TMEM260: variants seen among roughly 807,000 people sequenced by gnomAD.
The protein encoded by TMEM260 is transmembrane protein 260, also known as protein O-mannosyl-transferase TMEM260.
A neutral mutation model predicts 88.9 loss-of-function variants in TMEM260; 82 were observed. The ratio of observed to expected loss-of-function variants is 0.92; its 90% CI spans 0.77 to 1.11. The LOEUF (loss-of-function observed/expected upper bound fraction) is 1.11, where lower values mean the gene tolerates loss of function less well. Among genes scored for constraint, TMEM260 ranks in the 50% least tolerant of loss-of-function variants. The pLI is 0.00. For synonymous variants in TMEM260, 314 were observed against 309.3 expected (o/e 1.02, Z -0.16); for missense variants, 902 against 853.4 (o/e 1.06, Z -0.71).
chr14:56,619,088 G>T (rs2139592925), intron 10 of TMEM260, among the ~76,000 whole-genome samples: 2 of 152,234 alleles, frequency 1.3e-5, no homozygotes, highest in South Asian at 4.1e-4. Flanking sequence ...CACTTAGATG[G>T]AGAGTAAAAT....
chr14:56,648,579 A>T lies in TMEM260; in HGVS notation c.*1082A>T, dbSNP rs1198720946. On this transcript the variant is annotated 3_prime_UTR_variant, in exon 16 of 16. Coordinates refer to ENST00000261556, the MANE Select transcript of TMEM260 (RefSeq NM_017799.4). ...GGGCTAGAAGCTTGTCTGCATTCAAAGATCACTGGTGAGTCATTCAGCAAG... is the reference window on the plus strand; with the variant it reads ...GGGCTAGAAGCTTGTCTGCATTCAATGATCACTGGTGAGTCATTCAGCAAG... 1.3e-5 allele frequency: 2 copies of T among 152,654 alleles called. No individual in the cohort carries two copies. The highest frequency in any genetic ancestry group is 4.8e-5 in the African/African-American group (2 of 41,432). 9.5% of individuals were successfully genotyped at this position (152,654 alleles called of 1,614,324 possible).
intron 1 of TMEM260, among the ~76,000 whole-genome samples, chr14:56,581,442 A>G (rs1416018232): frequency 6.6e-6 from 1 of 152,198 alleles, no homozygotes; most frequent in East Asian, 1.9e-4. Context: ...CAGTGTTACC[A>G]AGATTGGTAT....
intron 12 of TMEM260, among the ~76,000 whole-genome samples, chr14:56,632,751 A>C (rs1012987601): frequency 1.3e-5 from 2 of 152,106 alleles, no homozygotes; most frequent in African/African-American, 4.8e-5. Flanking sequence ...TCCAGCCTCT[A>C]TTATGCTTTG....
chr14:56,653,386 T>C (rs985937818), downstream of TMEM260, among the ~76,000 whole-genome samples: 2 of 151,998 alleles, frequency 1.3e-5, no homozygotes, highest in African/African-American at 4.8e-5. Context: ...ATATAAAATA[T>C]ACTTATTGTA....
intron 3 of TMEM260, among the ~76,000 whole-genome samples, chr14:56,603,570 A>G (rs1886706515): frequency 6.6e-6 from 1 of 152,204 alleles, no homozygotes; most frequent in African/African-American, 2.4e-5. Flanking sequence ...AGCAGTTAAC[A>G]TCTGAGGACT....
chr14:56,585,033 G>A lies in TMEM260; in HGVS notation c.192+1G>A. On this transcript the variant is annotated splice_donor_variant, in intron 2 of 15. Coordinates refer to ENST00000261556, the MANE Select transcript of TMEM260 (RefSeq NM_017799.4). LOFTEE classifies it high-confidence loss of function. ...GATCACAGCCGCACATGAGCTTGGA[G>A]TAAGTATTAGTTTTATTGTTTAATC... is the stretch of plus-strand genomic sequence containing the variant. The A allele has an allele frequency of 6.2e-7, 1 of 1,611,280 alleles. No individual in the cohort carries two copies. Among genetic ancestry groups the A allele is most frequent in the Non-Finnish European group, 8.5e-7 (1 of 1,178,534 alleles).
At chr14:56,625,283 G>GGTGCAAAAGTA in intron 11 of TMEM260, 99 bp from the exon 12 acceptor site, 1 of 1,130,248 alleles carries the variant, frequency 8.8e-7, no homozygotes, top group South Asian at 1.4e-5. Context: ...ATATTAGGTT[G>GGTGCAAAAGTA]GTGCAAAAGT....
At chr14:56,630,152 GT>G (rs1781460968) in intron 12 of TMEM260, among the ~76,000 whole-genome samples, 1 of 151,712 alleles carries the variant, frequency 6.6e-6, no homozygotes, top group Non-Finnish European at 1.5e-5. Flanking sequence ...GAAATCTATT[GT>G]TTTTCTCTGG....
intron 11 of TMEM260, among the ~76,000 whole-genome samples, chr14:56,622,130 T>G (rs1233529145): frequency 1.3e-5 from 2 of 151,668 alleles, no homozygotes; most frequent in Non-Finnish European, 2.9e-5. Context: ...GATCACGAGG[T>G]CAGGAGATCG....
At chr14:56,615,014 T>G (rs1887514985) in intron 7 of TMEM260, among the ~76,000 whole-genome samples, 1 of 152,204 alleles carries the variant, frequency 6.6e-6, no homozygotes, top group Non-Finnish European at 1.5e-5. Context: ...GCGCTTACAC[T>G]TAAGCAATAG....
chr14:56,584,851 G>A, intron 1 of TMEM260, 150 bp from the exon 2 acceptor site: 1 of 608,258 alleles, frequency 1.6e-6, no homozygotes, highest in Non-Finnish European at 2.9e-6. Context: ...AATATTCTTA[G>A]ACTATTTCAT....
chr14:56,656,096 C>T, the TMEM260 span, among the ~76,000 whole-genome samples: 2 of 152,158 alleles, frequency 1.3e-5, no homozygotes, highest in African/African-American at 4.8e-5. Flanking sequence ...GCCACTTCCT[C>T]ACTGTGTGAC....
At chr14:56,645,652 A>T (rs1005592348) in intron 15 of TMEM260, among the ~76,000 whole-genome samples, 11 of 152,196 alleles carry the variant, frequency 7.2e-5, no homozygotes, top group African/African-American at 2.4e-4. Context: ...ATAAAATTTT[A>T]AAAAATTATA....
At chr14:56,619,197 G>A (rs1028435356) in intron 10 of TMEM260, among the ~76,000 whole-genome samples, 1 of 152,060 alleles carries the variant, frequency 6.6e-6, no homozygotes, top group African/African-American at 2.4e-5. Context: ...TTTGAGACAA[G>A]GTCTTATTCT....
chr14:56,605,685 T>G lies in TMEM260; in HGVS notation c.636+2T>G. ...CTCTTTCAACTTTTAAAAAAGAAGG[T>G]ACGTTTTTGAATTTTGTAAAAAAAA... is the stretch of plus-strand genomic sequence containing the variant. On this transcript the variant is annotated splice_donor_variant, in intron 5 of 15. Transcript: ENST00000261556. LOFTEE classifies it high-confidence loss of function. The G allele has an allele frequency of 6.6e-7, 1 of 1,518,878 alleles. No individual in the cohort carries two copies. Among genetic ancestry groups the G allele is most frequent in the Non-Finnish European group, 9.0e-7 (1 of 1,115,314 alleles). The allele number at this position is 1,518,878 out of a possible 1,614,324, so 94.1% of individuals were successfully genotyped here.
downstream of TMEM260, among the ~76,000 whole-genome samples, chr14:56,653,074 ACC>A (rs1890234231): frequency 6.6e-6 from 1 of 152,142 alleles, no homozygotes; most frequent in African/African-American, 2.4e-5. Context: ...CAGGTGGATC[ACC>A]TGAGATGAGG....
intron 7 of TMEM260, chr14:56,612,667 G>T: frequency 1.2e-5 from 2 of 162,084 alleles, no homozygotes; most frequent in Non-Finnish European, 2.6e-5. Flanking sequence ...AAAAACATCT[G>T]TATATGTTTG....
chr14:56,604,259 A>G (rs1227959277), intron 4 of TMEM260, among the ~76,000 whole-genome samples: 3 of 152,130 alleles, frequency 2.0e-5, no homozygotes, highest in Non-Finnish European at 4.4e-5. Flanking sequence ...GTCCGGTGGG[A>G]AAGATAGGCT....
At chr14:56,620,193 G>C (rs1887829642) in intron 10 of TMEM260, among the ~76,000 whole-genome samples, 1 of 152,166 alleles carries the variant, frequency 6.6e-6, no homozygotes. Flanking sequence ...TTGTGTGCCA[G>C]GCTTAATACC....
Sources: allele counts gnomAD v4.1 joint callset (sites outside exome capture counted in the v4.1 genomes callset), GRCh38; gene constraint gnomAD v4.1.1; transcripts MANE v1.5; gene names NCBI Gene and HGNC (gene_info 2026-07-23, HGNC 2026-07-21).